The following SPOPL variants were observed in gnomAD, a reference collection of about 807,000 sequenced individuals.
The protein encoded by SPOPL is speckle-type POZ protein-like.
A neutral mutation model predicts 53.8 loss-of-function variants in SPOPL; 23 were observed. The ratio of observed to expected loss-of-function variants is 0.43; its 90% confidence interval spans 0.31 to 0.61. The LOEUF (loss-of-function observed/expected upper bound fraction) is 0.61. SPOPL is among the 20% of genes least tolerant of loss of function. SPOPL has a pLI of 0.12. For missense variants in SPOPL, 442 were observed against 466.9 expected (o/e 0.95, Z 0.49); for synonymous variants, 164 against 149.7 (o/e 1.10, Z -0.70).
At chr2:138,502,443 T>C (rs1684124345) in intron 1 of SPOPL, among the ~76,000 whole-genome samples, 1 of 152,156 alleles carries the variant, frequency 6.6e-6, no homozygotes, top group African/African-American at 2.4e-5. Context: ...CTGGCTTCTC[T>C]CCTCCTCTAT....
Position 138,555,134 on chromosome 2 carries a change from G to GTA in SPOPL, c.480+2454_480+2455insAT, listed in dbSNP as rs1186405384. On this transcript the variant is annotated intron_variant, in intron 5 of 10. Coordinates refer to ENST00000280098, the MANE Select transcript of SPOPL (RefSeq NM_001001664.3). Reference sequence around the variant, plus strand: ...GGGGGTTGTTGGAGGGTAGGAGGGTGTGTGTGTGTGTGTGTGTGTGTGTGT... The same window carrying GTA: ...GGGGGTTGTTGGAGGGTAGGAGGGTGTATGTGTGTGTGTGTGTGTGTGTGTGT... Among the ~76,000 whole-genome samples, 6 of 85,552 alleles carry GTA rather than the reference G, an allele frequency of 7.0e-5. No individual in the cohort carries two copies. The Admixed American group carries it at 8.8e-4, about 13-fold the overall frequency. The allele number at this position is 85,552 out of a possible 152,430, so 56.1% of individuals were successfully genotyped here. A position where few individuals can be genotyped will look rare whatever the true frequency, so the allele number is the denominator to read the frequency against.
intron 1 of SPOPL, among the ~76,000 whole-genome samples, chr2:138,515,395 G>A (rs527381148): frequency 2.6e-5 from 4 of 152,132 alleles, no homozygotes; most frequent in Non-Finnish European, 5.9e-5. Context: ...TTGAAAGAAG[G>A]GGAACACTAT....
At chr2:138,546,567 A>T (rs1387284075) in intron 1 of SPOPL, among the ~76,000 whole-genome samples, 1 of 152,138 alleles carries the variant, frequency 6.6e-6, no homozygotes, top group African/African-American at 2.4e-5. Context: ...GTAAATTTGG[A>T]CAGTTATTAT....
At chr2:138,511,974 T>C (rs191096709) in intron 1 of SPOPL, among the ~76,000 whole-genome samples, 20 of 152,310 alleles carry the variant, frequency 1.3e-4, no homozygotes, top group African/African-American at 4.1e-4. Context: ...ATATAGTTGT[T>C]ATGAGAACTG....
intron 1 of SPOPL, among the ~76,000 whole-genome samples, chr2:138,542,265 G>C (rs1392591302): frequency 6.6e-6 from 1 of 152,186 alleles, no homozygotes; most frequent in East Asian, 1.9e-4. Flanking sequence ...TTGGTGCAGA[G>C]CTGAGTTCAA....
chr2:138,559,543 T>C (rs904012750), intron 7 of SPOPL, among the ~76,000 whole-genome samples: 4 of 152,196 alleles, frequency 2.6e-5, no homozygotes, highest in African/African-American at 9.6e-5. Flanking sequence ...AGAACAGCTA[T>C]TTTTTATGCC....
At chr2:138,545,566 T>G (rs571351081) in intron 1 of SPOPL, among the ~76,000 whole-genome samples, 1 of 151,216 alleles carries the variant, frequency 6.6e-6, no homozygotes, top group East Asian at 2.0e-4. Flanking sequence ...CCCGAGTAGC[T>G]GGGACTATAG....
At chr2:138,534,004 T>C (rs990791406) in intron 1 of SPOPL, among the ~76,000 whole-genome samples, 6 of 151,836 alleles carry the variant, frequency 4.0e-5, no homozygotes, top group African/African-American at 1.5e-4. Flanking sequence ...GACAGCATGA[T>C]TTTTTTTAAC....
intron 10 of SPOPL, among the ~76,000 whole-genome samples, chr2:138,568,129 AG>A (rs2104909487): frequency 6.6e-6 from 1 of 152,316 alleles, no homozygotes; most frequent in Admixed American, 6.5e-5. Flanking sequence ...ACATTATGGA[AG>A]CTTGGTTTAA....
chr2:138,559,146 G>T lies in SPOPL; in HGVS notation c.605G>T (p.Cys202Phe), dbSNP rs780820354. ...TGGGAAAACACAAGATTTACAGACT[G>T]CAGTTTTTTCGTGAGAGGACAAGAA... ...NLWENTRFTD[C>F]SFFVRGQEFK... Residue 202 changes from cysteine to phenylalanine, a missense_variant, in exon 6 of 11, where the codon TGC becomes TTC. Transcript: ENST00000280098. 5.6e-6 allele frequency: 9 copies of T among 1,613,708 alleles called. No individual in the cohort carries two copies. Among genetic ancestry groups the T allele is most frequent in the African/African-American group, 1.3e-5 (1 of 75,004 alleles).
intron 8 of SPOPL, among the ~76,000 whole-genome samples, chr2:138,561,960 G>A (rs1685559328): frequency 6.6e-6 from 1 of 151,472 alleles, no homozygotes; most frequent in African/African-American, 2.4e-5. Flanking sequence ...TAACAAACCT[G>A]CACATGTATC....
rs138740079 is a variant in SPOPL, at chr2:138,534,715, G to C, written c.-60-15442G>C. On this transcript the variant is annotated intron_variant, in intron 1 of 10. Transcript: ENST00000280098. ...CAACTAGCACCTCTGTCTAGTTCCA[G>C]AACACTTTTATCAGTCCCAGAGGAA... is the stretch of plus-strand genomic sequence containing the variant. 4.7e-3 allele frequency among the ~76,000 whole-genome samples: 714 copies of C among 152,174 alleles called. 7 individuals are homozygous for C. Among genetic ancestry groups the C allele is most frequent in the African/African-American group, 0.016 (675 of 41,514 alleles).
chr2:138,567,960 TA>T (rs1685699592), intron 10 of SPOPL, among the ~76,000 whole-genome samples: 1 of 152,082 alleles, frequency 6.6e-6, no homozygotes, highest in Admixed American at 6.5e-5. Flanking sequence ...TATCAGAGTA[TA>T]AAATGCCAGA....
chr2:138,546,589 G>A (rs959299931), intron 1 of SPOPL, among the ~76,000 whole-genome samples: 1 of 152,150 alleles, frequency 6.6e-6, no homozygotes, highest in Admixed American at 6.5e-5. Context: ...TTCTGTGCCA[G>A]TCCTCATTTG....
chr2:138,547,205 A>G (rs1179580205), intron 1 of SPOPL, among the ~76,000 whole-genome samples: 2 of 152,154 alleles, frequency 1.3e-5, no homozygotes, highest in Non-Finnish European at 2.9e-5. Flanking sequence ...GGCTCAAGTG[A>G]TCCGCTTGCC....
intron 10 of SPOPL, 111 bp downstream of exon 10, chr2:138,565,104 C>A: frequency 7.6e-7 from 1 of 1,321,938 alleles, no homozygotes; most frequent in Non-Finnish European, 1.1e-6. Flanking sequence ...TTACATGAAG[C>A]AAACTGCCAG....
At position 138,541,020 on chromosome 2, in the gene SPOPL, T is replaced by C. The variant is rs112506174; in HGVS notation, c.-60-9137T>C. Among the ~76,000 whole-genome samples, 964 of 152,238 alleles carry C rather than the reference T, an allele frequency of 6.3e-3. 5 individuals carry two copies. The highest frequency in any genetic ancestry group is 0.022 in the African/African-American group (922 of 41,548). On this transcript the variant is annotated intron_variant, in intron 1 of 10. Coordinates refer to ENST00000280098, the MANE Select transcript of SPOPL (RefSeq NM_001001664.3). ...GATAATCATATGGTTTTTTTCATTGTTTCTGTTTATATGCTGGATTACGTT... is the reference window on the plus strand; with the variant it reads ...GATAATCATATGGTTTTTTTCATTGCTTCTGTTTATATGCTGGATTACGTT...
chr2:138,512,150 T>G (rs1436755291), intron 1 of SPOPL, among the ~76,000 whole-genome samples: 1 of 152,206 alleles, frequency 6.6e-6, no homozygotes, highest in Non-Finnish European at 1.5e-5. Context: ...CATTGATATT[T>G]TGTGCACATA....
intron 1 of SPOPL, among the ~76,000 whole-genome samples, chr2:138,527,730 G>A (rs934167126): frequency 7.9e-5 from 12 of 151,848 alleles, no homozygotes; most frequent in Admixed American, 3.3e-4. Context: ...TGTTATCCTT[G>A]GCTTTCCGTT....
Sources: gnomAD v4.1 joint callset for allele counts (sites outside exome capture counted in the v4.1 genomes callset) on GRCh38, gnomAD v4.1.1 for gene constraint, MANE v1.5 for transcripts, NCBI Gene and HGNC (gene_info 2026-07-23, HGNC 2026-07-21) for gene names.